PTPRD: variants seen among roughly 807,000 people sequenced by gnomAD.
PTPRD encodes the protein protein tyrosine phosphatase receptor type D, also known as receptor-type tyrosine-protein phosphatase delta.
In PTPRD, 34 loss-of-function variants were observed where a neutral mutation model predicts 214.5. That is an observed-to-expected ratio of 0.16 (90% CI 0.12 to 0.21). The LOEUF (loss-of-function observed/expected upper bound fraction) is 0.21. Ranked by LOEUF, PTPRD falls within the 10% of genes least tolerant of loss-of-function variation. PTPRD has a pLI of 1.00. For missense variants in PTPRD, 2,545 were observed against 2,398.7 expected (o/e 1.06, Z -1.27); for synonymous variants, 1,128 against 845.7 (o/e 1.33, Z -5.79).
chr9:9,189,862 A>G (rs1413929653), intron 9 of PTPRD, among the ~76,000 whole-genome samples: 2 of 151,930 alleles, frequency 1.3e-5, no homozygotes, highest in Non-Finnish European at 2.9e-5. Flanking sequence ...TCATCTTTCC[A>G]GGAATATGGT....
intron 9 of PTPRD, among the ~76,000 whole-genome samples, chr9:9,342,886 A>G (rs979926358): frequency 5.9e-5 from 9 of 151,290 alleles, no homozygotes; most frequent in African/African-American, 2.2e-4. Flanking sequence ...AACAGGCCCC[A>G]GTGTGTGATG....
chr9:10,450,130 G>A (rs2098830656), intron 2 of PTPRD, among the ~76,000 whole-genome samples: 1 of 151,676 alleles, frequency 6.6e-6, no homozygotes, highest in African/African-American at 2.4e-5. Flanking sequence ...CTCTGCCTAG[G>A]AAAACCAGAG....
intron 5 of PTPRD, among the ~76,000 whole-genome samples, chr9:9,814,103 A>G (rs1234377038): frequency 6.6e-6 from 1 of 152,150 alleles, no homozygotes; most frequent in Non-Finnish European, 1.5e-5. Context: ...TTATCTTTCC[A>G]TGATAAAACT....
intron 29 of PTPRD, 38 bp from the exon 30 acceptor site, chr9:8,484,416 T>G: frequency 3.2e-6 from 5 of 1,572,882 alleles, no homozygotes; most frequent in Non-Finnish European, 4.3e-6. Flanking sequence ...AATCTGGTTA[T>G]CAGAGAGGCA....
chr9:8,600,815 G>T (rs2094811602), intron 14 of PTPRD, among the ~76,000 whole-genome samples: 1 of 151,994 alleles, frequency 6.6e-6, no homozygotes, highest in African/African-American at 2.4e-5. Flanking sequence ...CTGGTTTCAG[G>T]TGAGAACCAT....
chr9:8,720,012 T>C (rs570518273), intron 12 of PTPRD, among the ~76,000 whole-genome samples: 1 of 152,356 alleles, frequency 6.6e-6, no homozygotes, highest in Non-Finnish European at 1.5e-5. Flanking sequence ...CAGCTATTTA[T>C]TGCTGTGTTA....
At chr9:9,173,473 C>G (rs796449317) in intron 10 of PTPRD, among the ~76,000 whole-genome samples, 9 of 152,192 alleles carry the variant, frequency 5.9e-5, no homozygotes, top group African/African-American at 2.2e-4. Flanking sequence ...GTGCAAACAT[C>G]ATAGAGTGTC....
intron 11 of PTPRD, among the ~76,000 whole-genome samples, chr9:8,812,439 T>G (rs928773132): frequency 1.3e-5 from 2 of 152,220 alleles, no homozygotes; most frequent in African/African-American, 4.8e-5. Flanking sequence ...TCCCCTGCTT[T>G]GGTAAACTTA....
chr9:9,352,551 C>T (rs986909429), intron 9 of PTPRD, among the ~76,000 whole-genome samples: 1 of 151,820 alleles, frequency 6.6e-6, no homozygotes, highest in Non-Finnish European at 1.5e-5. Context: ...ACAAACTCTT[C>T]ACTCTGTTGC....
intron 11 of PTPRD, among the ~76,000 whole-genome samples, chr9:8,775,231 G>C (rs370881341): frequency 6.6e-6 from 1 of 152,190 alleles, no homozygotes; most frequent in South Asian, 2.1e-4. Context: ...CATTTCAGGG[G>C]GGTCTTTTTT....
chr9:8,854,111 C>T (rs2097867433), intron 11 of PTPRD, among the ~76,000 whole-genome samples: 1 of 151,336 alleles, frequency 6.6e-6, no homozygotes, highest in Non-Finnish European at 1.5e-5. Context: ...GTTGAGTACA[C>T]TACATAAAAC....
At chr9:9,293,607 A>G (rs1380511316) in intron 9 of PTPRD, among the ~76,000 whole-genome samples, 1 of 151,540 alleles carries the variant, frequency 6.6e-6, no homozygotes, top group Non-Finnish European at 1.5e-5. Flanking sequence ...CTCAGTTGAC[A>G]GAGAAAAGAA....
intron 2 of PTPRD, among the ~76,000 whole-genome samples, chr9:10,598,068 G>A (rs1432101170): frequency 6.6e-6 from 1 of 151,674 alleles, no homozygotes; most frequent in East Asian, 1.9e-4. Flanking sequence ...TATTCTTATT[G>A]GACAATTGCA....
chr9:8,523,518 C>T lies in PTPRD; in HGVS notation c.686G>A (p.Arg229Gln), dbSNP rs2139076085. The T allele has an allele frequency of 6.2e-7, 1 of 1,613,078 alleles. No homozygotes were observed. Among genetic ancestry groups the T allele is most frequent in the South Asian group, 1.1e-5 (1 of 90,978 alleles). The change falls in exon 19 of 46, where the codon CGA (arginine) becomes CAA (glutamine). Residue 229 changes from arginine to glutamine, a missense_variant. Transcript: ENST00000381196. ...AAAGTAAAAAACACACCAACCTTCT[C>T]GCAGCTCTGAGGGATGTAGGGGGTT... ...APANLYVREL[R>Q]EVRRVPPRFS...
At chr9:8,810,411 G>A (rs1461981854) in intron 11 of PTPRD, among the ~76,000 whole-genome samples, 4 of 152,060 alleles carry the variant, frequency 2.6e-5, no homozygotes, top group Non-Finnish European at 4.4e-5. Flanking sequence ...ACATCACCCT[G>A]GATCTCAAGC....
intron 11 of PTPRD, among the ~76,000 whole-genome samples, chr9:8,842,329 A>T (rs532344908): frequency 1.6e-5 from 1 of 61,700 alleles, no homozygotes; most frequent in African/African-American, 1.1e-4. Context: ...AAGGATTATC[A>T]GCAACATATT....
intron 10 of PTPRD, among the ~76,000 whole-genome samples, chr9:9,083,815 C>T (rs572552147): frequency 2.0e-5 from 3 of 152,286 alleles, no homozygotes; most frequent in East Asian, 3.9e-4. Flanking sequence ...CTCATCATCA[C>T]TGGTTATTAC....
intron 5 of PTPRD, among the ~76,000 whole-genome samples, chr9:9,841,689 A>C (rs926048581): frequency 1.3e-5 from 2 of 152,106 alleles, no homozygotes; most frequent in African/African-American, 4.8e-5. Context: ...TTTAGTGGTA[A>C]AACTAAAAAT....
At chr9:10,370,144 G>A (rs997928085) in intron 2 of PTPRD, among the ~76,000 whole-genome samples, 8 of 151,980 alleles carry the variant, frequency 5.3e-5, no homozygotes, top group African/African-American at 1.9e-4. Context: ...CTTATTTGAT[G>A]GTTTGCTTAT....
Sources: allele counts gnomAD v4.1 joint callset (sites outside exome capture counted in the v4.1 genomes callset), GRCh38; gene constraint gnomAD v4.1.1; transcripts MANE v1.5; gene names NCBI Gene and HGNC (gene_info 2026-07-23, HGNC 2026-07-21).